Variants in STARD13 observed in about 807,000 individuals in gnomAD.
STARD13 encodes the protein stAR-related lipid transfer protein 13.
STARD13 carries 62 observed loss-of-function variants against 106.4 expected under a neutral mutation model. The observed-to-expected ratio is 0.58, with a 90% CI of 0.48 to 0.72. STARD13 has a LOEUF of 0.72. STARD13 is among the 30% of genes least tolerant of loss of function. The probability of loss-of-function intolerance (pLI) is 0.00; values close to 1 mark genes in which losing one functional copy is unlikely to be tolerated. For synonymous variants in STARD13, 565 were observed against 553.0 expected, an observed-to-expected ratio of 1.02 and a Z score of -0.31; for missense variants, 1,387 against 1,424.0, an observed-to-expected ratio of 0.97 and a Z score of 0.42.
At chr13:33,283,977 A>G (rs562227684) in intron 1 of STARD13, among the ~76,000 whole-genome samples, 1 of 152,344 alleles carries the variant, frequency 6.6e-6, no homozygotes, top group East Asian at 1.9e-4. Flanking sequence ...AGGAACATTT[A>G]TATCTTGTAG....
At chr13:33,596,400 A>G in the STARD13 span, among the ~76,000 whole-genome samples, 1 of 152,182 alleles carries the variant, frequency 6.6e-6, no homozygotes, top group Non-Finnish European at 1.5e-5. Flanking sequence ...ATCAATACAC[A>G]CACATGCATG....
At chr13:33,301,815 G>A (rs1051010858) in intron 1 of STARD13, among the ~76,000 whole-genome samples, 4 of 151,982 alleles carry the variant, frequency 2.6e-5, no homozygotes, top group East Asian at 1.9e-4. Flanking sequence ...TGATCCACCC[G>A]CCTCAGCCTC....
intron 1 of STARD13, among the ~76,000 whole-genome samples, chr13:33,207,615 G>C (rs1247822030): frequency 6.6e-6 from 1 of 152,134 alleles, no homozygotes; most frequent in African/African-American, 2.4e-5. Context: ...ATTTCGTCCA[G>C]CTTTCTACAC....
chr13:33,147,534 G>A (rs1246850068), intron 3 of STARD13, among the ~76,000 whole-genome samples: 1 of 152,238 alleles, frequency 6.6e-6, no homozygotes, highest in Non-Finnish European at 1.5e-5. Context: ...AGATACTTCA[G>A]TGGATACAAC....
chr13:33,117,346 G>A (rs1040991228), intron 8 of STARD13, among the ~76,000 whole-genome samples: 7 of 152,090 alleles, frequency 4.6e-5, no homozygotes, highest in African/African-American at 1.7e-4. Flanking sequence ...CCTGACCTCA[G>A]ACAATCCAAC....
the STARD13 span, among the ~76,000 whole-genome samples, chr13:33,397,716 G>T: frequency 6.6e-6 from 1 of 152,176 alleles, no homozygotes; most frequent in Non-Finnish European, 1.5e-5. Context: ...GTATTAGTCT[G>T]CCAGGACTGC....
the STARD13 span, among the ~76,000 whole-genome samples, chr13:33,474,459 T>C: frequency 6.6e-6 from 1 of 152,216 alleles, no homozygotes; most frequent in African/African-American, 2.4e-5. Flanking sequence ...GATCTTTCTA[T>C]GTGTATATAT....
intron 4 of STARD13, among the ~76,000 whole-genome samples, chr13:33,131,080 A>C (rs1878220333): frequency 6.6e-6 from 1 of 152,156 alleles, no homozygotes; most frequent in African/African-American, 2.4e-5. Flanking sequence ...TTTCTGCCTG[A>C]ATTTGCAGCC....
At chr13:33,301,542 C>A (rs967053556) in intron 1 of STARD13, among the ~76,000 whole-genome samples, 3 of 147,250 alleles carry the variant, frequency 2.0e-5, no homozygotes, top group Non-Finnish European at 4.4e-5. Flanking sequence ...GAAATTTCCA[C>A]CTTGAGTTTC....
At chr13:33,674,001 C>A in the STARD13 span, among the ~76,000 whole-genome samples, 1 of 151,870 alleles carries the variant, frequency 6.6e-6, no homozygotes, top group Admixed American at 6.6e-5. Flanking sequence ...GCTGGAATTA[C>A]AGGCATGCAC....
chr13:33,546,580 C>T, the STARD13 span, among the ~76,000 whole-genome samples: 1 of 151,974 alleles, frequency 6.6e-6, no homozygotes, highest in Non-Finnish European at 1.5e-5. Flanking sequence ...GACTATTCTG[C>T]TAAACTCATT....
intron 1 of STARD13, among the ~76,000 whole-genome samples, chr13:33,310,913 G>A (rs1893105763): frequency 6.6e-6 from 1 of 152,052 alleles, no homozygotes; most frequent in South Asian, 2.1e-4. Flanking sequence ...GCATGTTACT[G>A]TACTGAATAC....
chr13:33,529,534 G>A, the STARD13 span, among the ~76,000 whole-genome samples: 1 of 152,178 alleles, frequency 6.6e-6, no homozygotes, highest in Middle Eastern at 3.4e-3. Flanking sequence ...TATGCCAAGT[G>A]TTGTCCCAGG....
At chr13:33,271,149 G>A (rs189021854) in intron 1 of STARD13, among the ~76,000 whole-genome samples, 2 of 152,262 alleles carry the variant, frequency 1.3e-5, no homozygotes, top group African/African-American at 4.8e-5. Context: ...GAATACAACT[G>A]TAACTATTCT....
the STARD13 span, among the ~76,000 whole-genome samples, chr13:33,379,840 A>G: frequency 6.6e-6 from 1 of 152,356 alleles, no homozygotes; most frequent in African/African-American, 2.4e-5. Flanking sequence ...AAGGCAGCAA[A>G]GAGCTGAGCA....
chr13:33,479,371 CA>C, the STARD13 span, among the ~76,000 whole-genome samples: 1 of 152,176 alleles, frequency 6.6e-6, no homozygotes, highest in Non-Finnish European at 1.5e-5. Context: ...GAACTGCATT[CA>C]TTTCACTTTC....
At chr13:33,646,479 C>CA in the STARD13 span, among the ~76,000 whole-genome samples, 3 of 152,164 alleles carry the variant, frequency 2.0e-5, no homozygotes, top group African/African-American at 7.2e-5. Context: ...AATTCCCACA[C>CA]ATCATGGCTG....
chr13:33,440,228 G>A, the STARD13 span, among the ~76,000 whole-genome samples: 11 of 150,760 alleles, frequency 7.3e-5, no homozygotes, highest in African/African-American at 1.5e-4. Flanking sequence ...GCAGTGAACC[G>A]TGATCGTGTC....
intron 4 of STARD13, among the ~76,000 whole-genome samples, chr13:33,140,315 G>C (rs1754997): frequency 0.98 from 149,179 of 152,344 alleles, 73,062 homozygotes; most frequent in East Asian, 1. Context: ...CATTTGAGGA[G>C]CCACACTTTA....
Sources: allele counts gnomAD v4.1 joint callset (sites outside exome capture counted in the v4.1 genomes callset), GRCh38; gene constraint gnomAD v4.1.1; transcripts MANE v1.5; gene names NCBI Gene and HGNC (gene_info 2026-07-23, HGNC 2026-07-21).